Variants in TSC1 observed in about 807,000 individuals in gnomAD.
TSC1 encodes TSC complex subunit 1.
Under a neutral mutation model 124.3 loss-of-function variants are expected in TSC1, and 20 were observed. That is an observed-to-expected ratio of 0.16 (90% CI 0.11 to 0.23). TSC1 has a LOEUF of 0.23. Among genes scored for constraint, TSC1 ranks in the 10% least tolerant of loss-of-function variants. The pLI is 1.00. For synonymous variants in TSC1, 493 were observed against 539.1 expected (o/e 0.91, Z 1.19); for missense variants, 1,124 against 1,448.5 (o/e 0.78, Z 3.64).
chr9:132,937,553 C>A (rs1448422153), intron 1 of TSC1, among the ~76,000 whole-genome samples: 2 of 152,170 alleles, frequency 1.3e-5, no homozygotes, highest in Non-Finnish European at 2.9e-5. Flanking sequence ...TGCGACTAAT[C>A]CCGGTTGGAC....
intron 19 of TSC1, 145 bp from the exon 20 acceptor site, chr9:132,900,982 T>C (rs2131693110): frequency 3.4e-6 from 4 of 1,186,460 alleles, no homozygotes; most frequent in Non-Finnish European, 3.6e-6. Context: ...GTCCCTGACA[T>C]AATGGCAGGT....
chr9:132,900,528 A>C (rs1166018250), intron 20 of TSC1, 187 bp downstream of exon 20: 27 of 887,968 alleles, frequency 3.0e-5, no homozygotes, highest in Non-Finnish European at 4.8e-5. Context: ...AAAGCAACCC[A>C]ATAGGAGAAA....
At chr9:132,910,379 G>C in intron 12 of TSC1, 192 bp downstream of exon 12, 1 of 1,012,660 alleles carries the variant, frequency 9.9e-7, no homozygotes. Flanking sequence ...CCAAAGCAGA[G>C]TTTTGGAACC....
chr9:132,900,676 C>T (rs372125135), intron 20 of TSC1, 39 bp downstream of exon 20: 3 of 1,612,894 alleles, frequency 1.9e-6, no homozygotes, highest in Non-Finnish European at 1.7e-6. Context: ...GTCTGAAACG[C>T]TTTCCCCACT....
rs911093230 is a variant in TSC1, at chr9:132,892,647, C to T, written c.*3588G>A. The T allele has an allele frequency of 8.6e-6, 2 of 233,226 alleles. No homozygotes were observed. The highest frequency in any genetic ancestry group is 6.0e-5 in the East Asian group (1 of 16,606). The allele number at this position is 233,226 out of a possible 1,614,324, so 14.4% of individuals were successfully genotyped here. On this transcript the variant is annotated 3_prime_UTR_variant, in exon 23 of 23. Coordinates refer to ENST00000298552, the MANE Select transcript of TSC1 (RefSeq NM_000368.5). ...TCCTCCCACCTCTTAGTGCTTTCAG[C>T]GAGAAAAGGTGAGTCTCATTACGCA...
At position 132,897,613 on chromosome 9, in the gene TSC1, G is replaced by GAAAAA. The variant is rs5901000; in HGVS notation, c.2626-8_2626-4dup. ...GCGGCTTTCATCATTTCTACTTCCT[G>GAAAAA]AAAAAAAAAAAAAAAAAAGACTGGA... On this transcript the variant is annotated splice_region_variant and splice_polypyrimidine_tract_variant and intron_variant, in intron 20 of 22. Coordinates refer to ENST00000298552, the MANE Select transcript of TSC1 (RefSeq NM_000368.5). 5.5e-4 allele frequency: 741 copies of GAAAAA among 1,356,828 alleles called. 2 individuals are homozygous for GAAAAA. The highest frequency in any genetic ancestry group is 2.0e-3 in the South Asian group (137 of 68,394). The allele number at this position is 1,356,828 out of a possible 1,614,324, so 84.0% of individuals were successfully genotyped here. A position where few individuals can be genotyped will look rare whatever the true frequency, so the allele number is the denominator to read the frequency against.
intron 8 of TSC1, among the ~76,000 whole-genome samples, chr9:132,918,202 GT>G (rs1846364802): frequency 6.6e-6 from 1 of 152,194 alleles, no homozygotes; most frequent in Non-Finnish European, 1.5e-5. Flanking sequence ...AGAACCATAA[GT>G]TTTTGAAACT....
chr9:132,913,642 T>C (rs975173947), intron 8 of TSC1, among the ~76,000 whole-genome samples: 5 of 151,820 alleles, frequency 3.3e-5, no homozygotes, highest in African/African-American at 1.2e-4. Context: ...CTGGCTAACA[T>C]GGTGAACCCC....
At position 132,892,445 on chromosome 9, in the gene TSC1, A is replaced by G. The variant is rs1223884734; in HGVS notation, c.*3790T>C. The stretch of plus-strand genomic sequence containing the variant: ...ACCCTGGAGAGTGAAGGTGCAGCAG[A>G]TAGGTATACTGATTTGAGTCACTCC... On this transcript the variant is annotated 3_prime_UTR_variant, in exon 23 of 23. Transcript: ENST00000298552. The G allele has an allele frequency of 4.3e-6, 1 of 233,192 alleles. No individual in the cohort carries two copies. The highest frequency in any genetic ancestry group is 8.5e-6 in the Non-Finnish European group (1 of 118,070). 14.4% of individuals were successfully genotyped at this position (233,192 alleles called of 1,614,324 possible).
rs1173921173 is a variant in TSC1, at chr9:132,891,746, T to C, written c.*4489A>G. ...GTAATATATTTGTGGTCCATAGAAG[T>C]CTTCTGAAAAGTGATTACTGATTCT... On this transcript the variant is annotated 3_prime_UTR_variant, in exon 23 of 23. Coordinates refer to ENST00000298552, the MANE Select transcript of TSC1 (RefSeq NM_000368.5). The C allele has an allele frequency of 8.6e-6, 2 of 233,610 alleles. No individual in the cohort carries two copies. Among genetic ancestry groups the C allele is most frequent in the Admixed American group, 1.1e-4 (2 of 17,784 alleles). The allele number at this position is 233,610 out of a possible 1,614,324, so 14.5% of individuals were successfully genotyped here.
upstream of TSC1, chr9:132,945,221 C>T (rs4962083): frequency 0.22 from 33,169 of 152,166 alleles, 3,759 homozygotes; most frequent in African/African-American, 0.23. Context: ...CAGGGCAGCC[C>T]TCCTTCCTGG....
chr9:132,932,233 C>T (rs977527205), intron 2 of TSC1, among the ~76,000 whole-genome samples: 6 of 152,212 alleles, frequency 3.9e-5, no homozygotes, highest in Non-Finnish European at 7.3e-5. Context: ...ACCTTCAAGG[C>T]CAATCTCCAC....
intron 9 of TSC1, among the ~76,000 whole-genome samples, chr9:132,911,898 A>C (rs1366048071): frequency 2.6e-5 from 4 of 152,220 alleles, no homozygotes; most frequent in African/African-American, 7.2e-5. Flanking sequence ...TATGAATCCA[A>C]TTCTAAATTG....
rs397514880 is a variant in TSC1, at chr9:132,905,878, G to A, written c.1700C>T (p.Ala567Val). 72 of 1,612,258 alleles carry A rather than the reference G, an allele frequency of 4.5e-5. 1 individual carries two copies. Among genetic ancestry groups the A allele is most frequent in the Admixed American group, 3.3e-4 (20 of 59,930 alleles). ...AGAAGTCTGGCATTCCCTGTCTCCC[G>A]CAGGGCTTTCATCAGCACTGCCGCA... is the stretch of plus-strand genomic sequence containing the variant. ...LPCGSADESP[A>V]GDRECQTSLE... Residue 567 changes from alanine to valine, a missense_variant, in exon 15 of 23, where the codon GCG (alanine) becomes GTG (valine). Physicochemically the swap from Ala to Val is moderately conservative, Grantham distance 64. This residue lies in a region of TSC1 where 321 missense variants were observed against 397.4 expected (regional missense o/e 0.81). Transcript: ENST00000298552.
At chr9:132,912,233 T>G (rs770803574) in intron 9 of TSC1, 49 bp downstream of exon 9, 1 of 1,606,694 alleles carries the variant, frequency 6.2e-7, no homozygotes, top group South Asian at 1.1e-5. Flanking sequence ...AAATAATGTT[T>G]TCCAGAGACA....
In TSC1 at chr9:132,928,240, G is replaced by A. The variant is rs1309687306; in HGVS notation, c.106+527C>T. On this transcript the variant is annotated intron_variant, in intron 3 of 22. Coordinates refer to ENST00000298552, the MANE Select transcript of TSC1 (RefSeq NM_000368.5). ...TCTTCACTGTATTTCACTCAAAGCT[G>A]TAATAAGATACAGATTCTTATAAAT... Among the ~76,000 whole-genome samples, 5 of 152,232 alleles carry A rather than the reference G, an allele frequency of 3.3e-5. No individual in the cohort carries two copies. The South Asian group carries it at 6.2e-4, about 19-fold the overall frequency.
chr9:132,925,747 T>C lies in TSC1; in HGVS notation c.211-8A>G, dbSNP rs753082880. The stretch of plus-strand genomic sequence containing the variant: ...AATCCTGTCCAAGAGGTGCTGAAAA[T>C]GTAAAAGAACAAGGGCAGTCCTCAC... On this transcript the variant is annotated splice_polypyrimidine_tract_variant and splice_region_variant and intron_variant, in intron 4 of 22. Transcript: ENST00000298552. 1.2e-6 allele frequency: 2 copies of C among 1,614,066 alleles called. No homozygotes were observed. Among genetic ancestry groups the C allele is most frequent in the Non-Finnish European group, 1.7e-6 (2 of 1,180,024 alleles).
Position 132,897,224 on chromosome 9 carries a change from C to A in TSC1, c.2935G>T (p.Glu979Ter), listed in dbSNP as rs1845118974. The A allele has an allele frequency of 6.2e-7, 1 of 1,614,154 alleles. No homozygotes were observed. Among genetic ancestry groups the A allele is most frequent in the Non-Finnish European group, 8.5e-7 (1 of 1,180,016 alleles). ...TCAGCTGCTTCTGCTTTTTCTTCTTCAAGTTTTTTCAGGAGGCCATCTTTC... is the reference window on the plus strand; with the variant it reads ...TCAGCTGCTTCTGCTTTTTCTTCTTAAAGTTTTTTCAGGAGGCCATCTTTC... ...LEKDGLLKKL[E>*]EEKAEAAEAA... Residue 979 changes from glutamate to a stop codon, truncating the protein, a stop_gained, in exon 22 of 23, where the codon GAA (glutamate) becomes TAA (stop). Coordinates refer to ENST00000298552, the MANE Select transcript of TSC1 (RefSeq NM_000368.5). LOFTEE classifies it high-confidence loss of function.
chr9:132,894,102 C>T lies in TSC1; in HGVS notation c.*2133G>A, dbSNP rs1269906514. 2 of 233,528 alleles carry T rather than the reference C, an allele frequency of 8.6e-6. No individual in the cohort carries two copies. Among genetic ancestry groups the T allele is most frequent in the East Asian group, 1.2e-4 (2 of 16,594 alleles). The allele number at this position is 233,528 out of a possible 1,614,324, so 14.5% of individuals were successfully genotyped here. A position where few individuals can be genotyped will look rare whatever the true frequency, so the allele number is the denominator to read the frequency against. On this transcript the variant is annotated 3_prime_UTR_variant, in exon 23 of 23. Coordinates refer to ENST00000298552, the MANE Select transcript of TSC1 (RefSeq NM_000368.5). Reference sequence around the variant, plus strand: ...TGTTATAAAGCTGAGTAAAAGGACACCCAGGCCGCATGGATGAGCTGAGGA... The same window carrying T: ...TGTTATAAAGCTGAGTAAAAGGACATCCAGGCCGCATGGATGAGCTGAGGA...
Sources: allele counts gnomAD v4.1 joint callset (sites outside exome capture counted in the v4.1 genomes callset), GRCh38; gene constraint gnomAD v4.1.1; regional missense constraint gnomAD v4.1.1; transcripts MANE v1.5; gene names NCBI Gene and HGNC (gene_info 2026-07-23, HGNC 2026-07-21).